ST3GAL1: variants seen among roughly 807,000 people sequenced by gnomAD.
ST3GAL1 encodes ST3 beta-galactoside alpha-2,3-sialyltransferase 1, also known as CMP-N-acetylneuraminate-beta-galactosamide-alpha-2,3-sialyltransferase 1.
Under a neutral mutation model 34.1 loss-of-function variants are expected in ST3GAL1, and 16 were observed. The ratio of observed to expected loss-of-function variants is 0.47; its 90% confidence interval spans 0.32 to 0.71. The LOEUF (loss-of-function observed/expected upper bound fraction) is 0.71. Among genes scored for constraint, ST3GAL1 ranks in the 30% least tolerant of loss-of-function variants. The probability of loss-of-function intolerance (pLI) is 0.04; values close to 1 mark genes in which losing one functional copy is unlikely to be tolerated. For missense variants in ST3GAL1, 353 were observed against 447.4 expected (o/e 0.79, Z 1.90); for synonymous variants, 191 against 184.7 (o/e 1.03, Z -0.28).
chr8:133,492,264 G>T (rs1816809557), intron 3 of ST3GAL1, among the ~76,000 whole-genome samples: 1 of 152,154 alleles, frequency 6.6e-6, no homozygotes, highest in South Asian at 2.1e-4. Flanking sequence ...GTCTCCCCAA[G>T]TGCACCCCCA....
Position 133,461,836 on chromosome 8 carries a change from C to T in ST3GAL1, c.849+39G>A, listed in dbSNP as rs747698181. 1 of 1,612,414 alleles carries T rather than the reference C, an allele frequency of 6.2e-7. No individual in the cohort carries two copies. Among genetic ancestry groups the T allele is most frequent in the Middle Eastern group, 1.7e-4 (1 of 6,052 alleles). ...TCTCTTGGGAACACAGGACGGTGAG[C>T]TTCGAGGCAGCCCTGTGGGCAGGGG... is the stretch of plus-strand genomic sequence containing the variant. On this transcript the variant is annotated intron_variant, in intron 9 of 9. Coordinates refer to ENST00000522652, the MANE Select transcript of ST3GAL1 (RefSeq NM_173344.3). The surrounding 1 kb of genome is among the most constrained non-coding windows in gnomAD (Gnocchi z 4.7).
chr8:133,565,457 C>G (rs878999199), intron 1 of ST3GAL1, among the ~76,000 whole-genome samples: 2 of 152,126 alleles, frequency 1.3e-5, no homozygotes, highest in Admixed American at 1.3e-4. Flanking sequence ...TAGCCCTTCC[C>G]CTACCGTGCC....
chr8:133,541,785 T>C (rs191299840), intron 2 of ST3GAL1, among the ~76,000 whole-genome samples: 19 of 152,278 alleles, frequency 1.2e-4, no homozygotes, highest in African/African-American at 4.3e-4. Flanking sequence ...TTCAGAGTCT[T>C]GGTTTGCTCA....
In ST3GAL1 at chr8:133,461,198, G is replaced by C. The variant is rs1394430313; in HGVS notation, c.849+677C>G. On this transcript the variant is annotated intron_variant, in intron 9 of 9. Coordinates refer to ENST00000522652, the MANE Select transcript of ST3GAL1 (RefSeq NM_173344.3). The surrounding 1 kb of genome is among the most constrained non-coding windows in gnomAD (Gnocchi z 4.7). Reference sequence around the variant, plus strand: ...TGAGATTCCCACCAGGCACCAGGCAGGGTGGGGCTGGGGCTGGGCTGAATG... The same window carrying C: ...TGAGATTCCCACCAGGCACCAGGCACGGTGGGGCTGGGGCTGGGCTGAATG... Among the ~76,000 whole-genome samples, 7 of 152,152 alleles carry C rather than the reference G, an allele frequency of 4.6e-5. No individual in the cohort carries two copies. The highest frequency in any genetic ancestry group is 7.4e-5 in the Non-Finnish European group (5 of 68,002).
intron 2 of ST3GAL1, among the ~76,000 whole-genome samples, chr8:133,540,884 C>CAT (rs1326263083): frequency 1.1e-5 from 1 of 88,030 alleles, no homozygotes; most frequent in African/African-American, 5.0e-5. Flanking sequence ...TATATAGAGA[C>CAT]ATATATATAG....
chr8:133,535,525 A>ATTTTTTTTTTTTTTTTT lies in ST3GAL1; in HGVS notation c.-429+10248_-429+10249insAAAAAAAAAAAAAAAAA, dbSNP rs112708766. Among the ~76,000 whole-genome samples, 29 of 145,020 alleles carry ATTTTTTTTTTTTTTTTT rather than the reference A, an allele frequency of 2.0e-4. 3 individuals are homozygous for ATTTTTTTTTTTTTTTTT. The highest frequency in any genetic ancestry group is 7.9e-4 in the African/African-American group (29 of 36,758). On this transcript the variant is annotated intron_variant, in intron 2 of 9. Coordinates refer to ENST00000522652, the MANE Select transcript of ST3GAL1 (RefSeq NM_173344.3). ...TTTTTTAGCAAGAAAGTATTTTTTA[A>ATTTTTTTTTTTTTTTTT]TTTTTTTTTTTAGAAACAAGGTCTC... is the stretch of plus-strand genomic sequence containing the variant.
chr8:133,470,191 G>A (rs558755107), intron 5 of ST3GAL1, among the ~76,000 whole-genome samples: 7 of 152,322 alleles, frequency 4.6e-5, no homozygotes, highest in East Asian at 3.9e-4. Flanking sequence ...AGGCCAAGGC[G>A]GGTGGGTCAC....
chr8:133,552,375 G>A (rs944113998), intron 1 of ST3GAL1, among the ~76,000 whole-genome samples: 5 of 152,210 alleles, frequency 3.3e-5, no homozygotes, highest in African/African-American at 7.2e-5. Flanking sequence ...AGCTGAGTGA[G>A]GAATGGTGAG....
chr8:133,570,321 C>A lies in ST3GAL1; in HGVS notation c.-582+1372G>T, dbSNP rs1194978333. ...CAATCACGAGAAAGCCGGGCGAATG[C>A]CTGATGCAGGGACGCGGCGAGCCAG... On this transcript the variant is annotated intron_variant, in intron 1 of 9. Coordinates refer to ENST00000522652, the MANE Select transcript of ST3GAL1 (RefSeq NM_173344.3). This position sits in a 1 kb window ranked among gnomAD's most constrained non-coding sequence, Gnocchi z 5.6. 6.6e-6 allele frequency: 1 copy of A among 152,288 alleles called. No individual in the cohort carries two copies. Among genetic ancestry groups the A allele is most frequent in the African/African-American group, 2.4e-5 (1 of 41,464 alleles). 9.4% of individuals were successfully genotyped at this position (152,288 alleles called of 1,614,324 possible). A position where few individuals can be genotyped will look rare whatever the true frequency, so the allele number is the denominator to read the frequency against.
intron 2 of ST3GAL1, among the ~76,000 whole-genome samples, chr8:133,524,751 G>A (rs1272712220): frequency 6.6e-6 from 1 of 152,270 alleles, no homozygotes; most frequent in African/African-American, 2.4e-5. Context: ...TACCACACAT[G>A]GCTTCTGCTG....
Position 133,458,489 on chromosome 8 carries a change from G to A in ST3GAL1, c.*1275C>T, listed in dbSNP as rs917426993. ...TCAGGCCCTTGGGGAAAATGCTGCT[G>A]GCAGCCTCCTGTGTGGCTTTGGAGG... On this transcript the variant is annotated 3_prime_UTR_variant, in exon 10 of 10. Coordinates refer to ENST00000522652, the MANE Select transcript of ST3GAL1 (RefSeq NM_173344.3). The A allele has an allele frequency of 7.2e-5, 11 of 152,338 alleles. No homozygotes were observed. The highest frequency in any genetic ancestry group is 1.5e-4 in the Non-Finnish European group (10 of 68,056). 9.4% of individuals were successfully genotyped at this position (152,338 alleles called of 1,614,324 possible). A position where few individuals can be genotyped will look rare whatever the true frequency, so the allele number is the denominator to read the frequency against.
At chr8:133,564,067 CTT>C (rs1819321471) in intron 1 of ST3GAL1, among the ~76,000 whole-genome samples, 1 of 152,304 alleles carries the variant, frequency 6.6e-6, no homozygotes, top group South Asian at 2.1e-4. Context: ...CTGTGTGTCT[CTT>C]GTTTAATTTC....
intron 3 of ST3GAL1, among the ~76,000 whole-genome samples, chr8:133,487,319 G>C (rs1282715784): frequency 6.8e-6 from 1 of 147,812 alleles, no homozygotes; most frequent in Non-Finnish European, 1.5e-5. Flanking sequence ...ATAGTGCTTA[G>C]AACAATTCCT....
At chr8:133,555,633 C>T (rs369294569) in intron 1 of ST3GAL1, among the ~76,000 whole-genome samples, 20 of 152,278 alleles carry the variant, frequency 1.3e-4, no homozygotes, top group East Asian at 3.9e-4. Flanking sequence ...ACCTCATTAC[C>T]GAAAGGATCA....
chr8:133,566,828 TC>T, intron 1 of ST3GAL1, among the ~76,000 whole-genome samples: 1 of 152,202 alleles, frequency 6.6e-6, no homozygotes, highest in Non-Finnish European at 1.5e-5. Context: ...TTGGAGGCTC[TC>T]ATGGTGTAGG....
rs571232902 is a variant in ST3GAL1, at chr8:133,456,342, A to T, written c.*3422T>A. The T allele has an allele frequency of 1.4e-4, 21 of 152,350 alleles. No homozygotes were observed. The highest frequency in any genetic ancestry group is 5.1e-4 in the African/African-American group (21 of 41,564). The allele number at this position is 152,350 out of a possible 1,614,324, so 9.4% of individuals were successfully genotyped here. ...ACCTCATGGGCCACCTCATCAGCCC[A>T]TCTTTGTAGCTTCAGGTTCAGCTCT... On this transcript the variant is annotated 3_prime_UTR_variant, in exon 10 of 10. Transcript: ENST00000522652.
At position 133,487,033 on chromosome 8, in the gene ST3GAL1, T is replaced by C. The variant is rs527785538; in HGVS notation, c.-373-10433A>G. On this transcript the variant is annotated intron_variant, in intron 3 of 9. Coordinates refer to ENST00000522652, the MANE Select transcript of ST3GAL1 (RefSeq NM_173344.3). ...ATCTTGGCTCACCATAACTTCTGCC[T>C]CCCGGATTCAAGCGATTCTCCTGCC... Among the ~76,000 whole-genome samples, 517 of 152,314 alleles carry C rather than the reference T, an allele frequency of 3.4e-3. 3 individuals are homozygous for C. Among genetic ancestry groups the C allele is most frequent in the African/African-American group, 0.012 (494 of 41,572 alleles).
At position 133,457,789 on chromosome 8, in the gene ST3GAL1, T is replaced by C. The variant is rs1815355455; in HGVS notation, c.*1975A>G. ...ATGGCCTGAAGCCACCTGTGACCCATGACTGATGTCCCCAAGTTCCTCCCT... is the reference window on the plus strand; with the variant it reads ...ATGGCCTGAAGCCACCTGTGACCCACGACTGATGTCCCCAAGTTCCTCCCT... On this transcript the variant is annotated 3_prime_UTR_variant, in exon 10 of 10. Coordinates refer to ENST00000522652, the MANE Select transcript of ST3GAL1 (RefSeq NM_173344.3). The C allele has an allele frequency of 6.6e-6, 1 of 152,196 alleles. No homozygotes were observed. The highest frequency in any genetic ancestry group is 2.4e-5 in the African/African-American group (1 of 41,458). 9.4% of individuals were successfully genotyped at this position (152,196 alleles called of 1,614,324 possible).
At chr8:133,527,759 C>T (rs1056257678) in intron 2 of ST3GAL1, among the ~76,000 whole-genome samples, 4 of 152,148 alleles carry the variant, frequency 2.6e-5, no homozygotes, top group South Asian at 2.1e-4. Flanking sequence ...GCTTGCTGGG[C>T]GGTCCCAGAC....
Sources: gnomAD v4.1 joint callset for allele counts (sites outside exome capture counted in the v4.1 genomes callset) on GRCh38, gnomAD v4.1.1 for gene constraint, Gnocchi (gnomAD v3.1) non-coding constraint, MANE v1.5 for transcripts, NCBI Gene and HGNC (gene_info 2026-07-23, HGNC 2026-07-21) for gene names.